The following CORO2B variants were observed in gnomAD, a reference collection of about 807,000 sequenced individuals.
CORO2B encodes coronin-2B.
A neutral mutation model predicts 58.8 loss-of-function variants in CORO2B; 26 were observed. The observed-to-expected ratio is 0.44, with a 90% confidence interval of 0.32 to 0.61. The LOEUF is 0.61. CORO2B is among the 20% of genes least tolerant of loss of function. CORO2B has a pLI of 0.04. For synonymous variants in CORO2B, 242 were observed against 253.8 expected (o/e 0.95, Z 0.44); for missense variants, 460 against 645.1 (o/e 0.71, Z 3.11).
intron 1 of CORO2B, among the ~76,000 whole-genome samples, chr15:68,600,932 C>T (rs756353852): frequency 1.7e-4 from 26 of 152,144 alleles, no homozygotes; most frequent in Admixed American, 7.2e-4. Flanking sequence ...TGCTGATTCT[C>T]GGTTTCTAGA....
At chr15:68,703,238 A>G (rs1251071627) in intron 3 of CORO2B, among the ~76,000 whole-genome samples, 2 of 134,562 alleles carry the variant, frequency 1.5e-5, no homozygotes, top group Non-Finnish European at 3.1e-5. Context: ...GCAACCTCCG[A>G]CTCCCTGGTT....
intron 2 of CORO2B, among the ~76,000 whole-genome samples, chr15:68,683,585 A>T (rs765355857): frequency 1.3e-5 from 2 of 151,994 alleles, no homozygotes; most frequent in Non-Finnish European, 2.9e-5. Context: ...CCACTGTAGG[A>T]TATTGAGACA....
chr15:68,665,189 C>T (rs1010907325), intron 2 of CORO2B, among the ~76,000 whole-genome samples: 2 of 151,982 alleles, frequency 1.3e-5, no homozygotes, highest in African/African-American at 4.8e-5. Context: ...AACTTTTTTT[C>T]CCCCAGGTAT....
rs539085551 is a variant in CORO2B, at chr15:68,701,316, T to C, written c.333+6060T>C. On this transcript the variant is annotated intron_variant, in intron 3 of 11. Transcript: ENST00000261861. ...GGACTAGTTTCTTTTTTTTCTTTTT[T>C]TTCTTTTTTTTGAGAGACGGAGGCT... 3.9e-5 allele frequency among the ~76,000 whole-genome samples: 6 copies of C among 152,014 alleles called. No individual in the cohort carries two copies. In the South Asian group the frequency reaches 1.2e-3, roughly 32 times the overall value.
At chr15:68,632,088 G>A (rs1033031313) in intron 1 of CORO2B, 39 of 985,346 alleles carry the variant, frequency 4.0e-5, no homozygotes, top group African/African-American at 1.9e-4. Context: ...CTGGAATTTC[G>A]GAGCTAGAAG....
At chr15:68,564,594 G>T in the CORO2B span, among the ~76,000 whole-genome samples, 3 of 152,188 alleles carry the variant, frequency 2.0e-5, no homozygotes, top group Non-Finnish European at 4.4e-5. Context: ...TTACAGGCAT[G>T]AGCCACAGTT....
Position 68,678,850 on chromosome 15 carries a change from G to A in CORO2B, c.217-16290G>A, listed in dbSNP as rs544875575. Among the ~76,000 whole-genome samples, 11 of 152,246 alleles carry A rather than the reference G, an allele frequency of 7.2e-5. No individual in the cohort carries two copies. The South Asian group carries it at 2.3e-3, about 32-fold the overall frequency. On this transcript the variant is annotated intron_variant, in intron 2 of 11. Transcript: ENST00000261861. The stretch of plus-strand genomic sequence containing the variant: ...TGCCGGTCCTCCAGTGCTCAGATAG[G>A]GAAGAACTAGAGTAGAAAATGTAGC...
chr15:68,529,667 A>G, the CORO2B span, among the ~76,000 whole-genome samples: 1 of 152,166 alleles, frequency 6.6e-6, no homozygotes, highest in Admixed American at 6.5e-5. Context: ...GATCTTTTTA[A>G]AAGTCAGCTT....
chr15:68,566,948 T>C, the CORO2B span, among the ~76,000 whole-genome samples: 117 of 152,294 alleles, frequency 7.7e-4, no homozygotes, highest in African/African-American at 2.7e-3. Flanking sequence ...AGGCAGCGTG[T>C]CCAATAAATG....
chr15:68,685,015 TAGGGGTGGCC>T (rs1902915017), intron 2 of CORO2B, among the ~76,000 whole-genome samples: 1 of 152,166 alleles, frequency 6.6e-6, no homozygotes, highest in South Asian at 2.1e-4. Flanking sequence ...AAAGTGATGA[TAGGGGTGGCC>T]CATGAAAAAA....
intron 8 of CORO2B, among the ~76,000 whole-genome samples, chr15:68,718,416 C>CTAGATTCAAATG (rs1893081646): frequency 6.6e-6 from 1 of 152,144 alleles, no homozygotes; most frequent in African/African-American, 2.4e-5. Flanking sequence ...AAGGAGTGGG[C>CTAGATTCAAATG]TAGATTCAAA....
At chr15:68,703,150 C>CTTTTTTTTTTT (rs57404468) in intron 3 of CORO2B, among the ~76,000 whole-genome samples, 1 of 100,148 alleles carries the variant, frequency 1.0e-5, no homozygotes, top group African/African-American at 3.7e-5. Flanking sequence ...TTCTTTTTTT[C>CTTTTTTTTTTT]TTTTTTTTTT....
At chr15:68,520,314 T>G in the CORO2B span, among the ~76,000 whole-genome samples, 2 of 152,232 alleles carry the variant, frequency 1.3e-5, no homozygotes, top group East Asian at 3.9e-4. Context: ...CAGATCTATA[T>G]CCTTACAGAT....
intron 4 of CORO2B, among the ~76,000 whole-genome samples, 184 bp downstream of exon 4, chr15:68,711,065 C>T (rs905809878): frequency 2.0e-5 from 3 of 152,174 alleles, no homozygotes; most frequent in Non-Finnish European, 4.4e-5. Context: ...CCTGTCATTC[C>T]TGGGGTCCAC....
chr15:68,521,032 G>C, the CORO2B span, among the ~76,000 whole-genome samples: 3 of 151,512 alleles, frequency 2.0e-5, no homozygotes, highest in Non-Finnish European at 4.4e-5. Context: ...CTGGGTGACA[G>C]AGCAAGGCTC....
At chr15:68,655,342 C>G (rs1311999473) in intron 2 of CORO2B, among the ~76,000 whole-genome samples, 1 of 152,190 alleles carries the variant, frequency 6.6e-6, no homozygotes, top group African/African-American at 2.4e-5. Context: ...GCTCTGTGCT[C>G]TGAGCCAGGC....
chr15:68,631,900 C>T (rs1028469633), intron 1 of CORO2B: 59 of 977,666 alleles, frequency 6.0e-5, no homozygotes, highest in Non-Finnish European at 6.9e-5. Flanking sequence ...TGTAAATAGG[C>T]TGCTGGAATG....
chr15:68,542,842 G>A, the CORO2B span, among the ~76,000 whole-genome samples: 1 of 152,242 alleles, frequency 6.6e-6, no homozygotes, highest in Non-Finnish European at 1.5e-5. Flanking sequence ...AGGGAGATGG[G>A]AACCTTCTGG....
At chr15:68,608,083 A>G (rs1900166802) in intron 1 of CORO2B, among the ~76,000 whole-genome samples, 1 of 152,252 alleles carries the variant, frequency 6.6e-6, no homozygotes, top group African/African-American at 2.4e-5. Context: ...CACTGGTGAA[A>G]TGCCACCAAC....
Sources: gnomAD v4.1 joint callset for allele counts (sites outside exome capture counted in the v4.1 genomes callset) on GRCh38, gnomAD v4.1.1 for gene constraint, MANE v1.5 for transcripts, NCBI Gene and HGNC (gene_info 2026-07-23, HGNC 2026-07-21) for gene names.